The following USF3 variants were observed in gnomAD, a reference collection of about 807,000 sequenced individuals.
The protein encoded by USF3 is basic helix-loop-helix domain-containing protein USF3.
In USF3, 29 loss-of-function variants were observed where a neutral mutation model predicts 157.5. The ratio of observed to expected loss-of-function variants is 0.18; its 90% CI spans 0.14 to 0.25. USF3 has a LOEUF of 0.25. USF3 is among the 10% of genes least tolerant of loss of function. The probability of loss-of-function intolerance (pLI) is 1.00; values close to 1 mark genes in which losing one functional copy is unlikely to be tolerated. For synonymous variants in USF3, 893 were observed against 941.4 expected (o/e 0.95, Z 0.94); for missense variants, 2,381 against 2,667.6 (o/e 0.89, Z 2.37).
At chr3:113,691,983 G>C (rs553617269) in intron 1 of USF3, among the ~76,000 whole-genome samples, 8 of 152,246 alleles carry the variant, frequency 5.3e-5, no homozygotes, top group African/African-American at 1.9e-4. Flanking sequence ...ATTTTTCCAT[G>C]GACAGGGAGT....
intron 4 of USF3, among the ~76,000 whole-genome samples, chr3:113,672,712 A>G (rs1272093715): frequency 6.6e-6 from 1 of 152,212 alleles, no homozygotes; most frequent in Admixed American, 6.5e-5. Flanking sequence ...ATATCCCACC[A>G]GTGTTCAACA....
chr3:113,658,868 G>A lies in USF3; in HGVS notation c.2814C>T (p.Cys938=), dbSNP rs201434220. Residue 938 remains cysteine, a synonymous_variant, in exon 7 of 7, where the codon TGC becomes TGT. Transcript: ENST00000316407. ...ATGGAATCAATACATTGGCTGAAGC[G>A]CAGGGTTTGGCAGCATCTGATAATG... ...SLALSDAAKP[C]ASANVLIPSP... 5.8e-5 allele frequency: 93 copies of A among 1,614,158 alleles called. 3 individuals carry two copies. The highest frequency in any genetic ancestry group is 5.6e-4 in the South Asian group (51 of 91,084).
At chr3:113,663,974 C>A (rs190864717) in intron 6 of USF3, among the ~76,000 whole-genome samples, 4 of 152,306 alleles carry the variant, frequency 2.6e-5, no homozygotes, top group Admixed American at 2.0e-4. Flanking sequence ...AGAACTCCCC[C>A]CTTACATCTT....
rs950066471 is a variant in USF3 at position 113,659,357 on chromosome 3, T to G, written c.2325A>C (p.Leu775=). ...CAGTGTTCATTGAGGAAGTACTCAC[T>G]AGATTATAAGTACTAGCTAGTGTGG... ...SSATLASTYN[L]VSTSSMNTVA... is the part of the protein sequence containing the mutation. Residue 775 remains leucine, a synonymous_variant, in exon 7 of 7, where the codon CTA becomes CTC. Coordinates refer to ENST00000316407, the MANE Select transcript of USF3 (RefSeq NM_001009899.4). 1 of 1,614,084 alleles carries G rather than the reference T, an allele frequency of 6.2e-7. No individual in the cohort carries two copies. The highest frequency in any genetic ancestry group is 1.3e-5 in the African/African-American group (1 of 74,952).
In USF3 at chr3:113,656,610, C is replaced by T; in HGVS notation, c.5072G>A (p.Gly1691Asp). 2 of 1,614,194 alleles carry T rather than the reference C, an allele frequency of 1.2e-6. No homozygotes were observed. Among genetic ancestry groups the T allele is most frequent in the Non-Finnish European group, 1.7e-6 (2 of 1,180,036 alleles). The change falls in exon 7 of 7, where the codon GGT becomes GAT. Residue 1691 changes from glycine to aspartate, a missense_variant. Physicochemically the swap from Gly to Asp is moderately conservative, Grantham distance 94. This residue lies in a region of USF3 where 770 missense variants were observed against 824.2 expected (regional missense o/e 0.93). Transcript: ENST00000316407. ...SEQRMGISIQ[G>D]SRVSDQLEMR... ...TTCAAGCTGATCTGAAACTCTGGAACCCTGAATTGATATCCCCATTCTCTG... is the reference window on the plus strand; with the variant it reads ...TTCAAGCTGATCTGAAACTCTGGAATCCTGAATTGATATCCCCATTCTCTG...
chr3:113,666,988 C>T (rs1349691917), intron 5 of USF3, among the ~76,000 whole-genome samples: 1 of 152,096 alleles, frequency 6.6e-6, no homozygotes, highest in East Asian at 1.9e-4. Flanking sequence ...TATCCTTCAG[C>T]TATCAAGAAT....
chr3:113,670,564 C>T (rs772949799), intron 4 of USF3, among the ~76,000 whole-genome samples: 9 of 151,858 alleles, frequency 5.9e-5, no homozygotes, highest in Middle Eastern at 3.4e-3. Flanking sequence ...CATGCTGCTG[C>T]TCTCCACCCT....
intron 4 of USF3, among the ~76,000 whole-genome samples, chr3:113,672,993 T>C (rs1707193258): frequency 6.6e-6 from 1 of 152,202 alleles, no homozygotes; most frequent in Admixed American, 6.5e-5. Context: ...CTCTTAGCTA[T>C]ACCTCTAGGC....
Position 113,652,996 on chromosome 3 carries a change from G to A in USF3, c.*1948C>T, listed in dbSNP as rs1947291134. The stretch of plus-strand genomic sequence containing the variant: ...GGAACTTGAAAAAGGAATATTCAAG[G>A]TGCTGTTCCTGGTGTTAGTTGCACC... On this transcript the variant is annotated 3_prime_UTR_variant, in exon 7 of 7. Transcript: ENST00000316407. The A allele has an allele frequency of 9.5e-7, 1 of 1,053,134 alleles. No individual in the cohort carries two copies. Among genetic ancestry groups the A allele is most frequent in the East Asian group, 3.9e-5 (1 of 25,544 alleles). 65.2% of individuals were successfully genotyped at this position (1,053,134 alleles called of 1,614,324 possible).
intron 5 of USF3, among the ~76,000 whole-genome samples, chr3:113,667,088 C>T (rs542498493): frequency 6.6e-6 from 1 of 151,406 alleles, no homozygotes; most frequent in Non-Finnish European, 1.5e-5. Context: ...GTAGGAATCA[C>T]TGTGATTTAG....
intron 1 of USF3, among the ~76,000 whole-genome samples, chr3:113,688,525 C>T (rs1481218111): frequency 6.6e-6 from 1 of 152,150 alleles, no homozygotes; most frequent in East Asian, 1.9e-4. Flanking sequence ...TACCAGAATT[C>T]GTTTCCAGAG....
At chr3:113,682,860 AGT>A (rs1559722962) in intron 1 of USF3, among the ~76,000 whole-genome samples, 2 of 146,142 alleles carry the variant, frequency 1.4e-5, no homozygotes, top group Admixed American at 6.8e-5. Context: ...TCATAAGAGA[AGT>A]GTGTTTGTTG....
At chr3:113,667,849 A>C (rs574958405) in intron 5 of USF3, among the ~76,000 whole-genome samples, 1 of 151,320 alleles carries the variant, frequency 6.6e-6, no homozygotes, top group Non-Finnish European at 1.5e-5. Flanking sequence ...CCTAGGCAAC[A>C]GAGTGAGACT....
rs1559710783 is a variant in USF3, at chr3:113,660,255, G to GT, written c.1426dup (p.Thr476AsnfsTer7). The GT allele has an allele frequency of 6.2e-7, 1 of 1,614,188 alleles. No homozygotes were observed. The highest frequency in any genetic ancestry group is 8.5e-7 in the Non-Finnish European group (1 of 1,180,028). ...AAAGGAATTATTCAAGTTGATGTCT[G>GT]TAGCCACATATCTACTGTGGTTGCT... On this transcript the variant is annotated frameshift_variant, in exon 7 of 7. Transcript: ENST00000316407. LOFTEE classifies it high-confidence loss of function.
chr3:113,670,805 A>C (rs1319737072), intron 4 of USF3, among the ~76,000 whole-genome samples: 1 of 152,134 alleles, frequency 6.6e-6, no homozygotes, highest in Non-Finnish European at 1.5e-5. Flanking sequence ...GGAGTGCAGC[A>C]GTGCAATCTC....
intron 5 of USF3, among the ~76,000 whole-genome samples, chr3:113,666,040 AG>A (rs1232406316): frequency 6.6e-6 from 1 of 151,346 alleles, no homozygotes; most frequent in Non-Finnish European, 1.5e-5. Context: ...CAAAATTAGC[AG>A]GGCGTGGTGG....
intron 4 of USF3, among the ~76,000 whole-genome samples, chr3:113,671,002 C>T (rs1365822191): frequency 6.6e-6 from 1 of 152,094 alleles, no homozygotes; most frequent in Admixed American, 6.5e-5. Context: ...ACCTCAGTCT[C>T]CCAAAATGCT....
In USF3 at chr3:113,655,818, G is replaced by C; in HGVS notation, c.5864C>G (p.Ser1955Cys). The C allele has an allele frequency of 1.9e-6, 3 of 1,614,194 alleles. No homozygotes were observed. Among genetic ancestry groups the C allele is most frequent in the Non-Finnish European group, 2.5e-6 (3 of 1,180,030 alleles). ...GVARPALPHP[S>C]VSHGNGDQGP... ...TTGATCGCCATTTCCATGAGACACA[G>C]ATGGATGTGGCAACGCTGGCCTTGC... The change falls in exon 7 of 7, where the codon TCT (serine) becomes TGT (cysteine). Residue 1955 changes from serine (S) to cysteine (C), a missense_variant. Around this residue, in one of 6 missense-constraint regions of USF3, gnomAD observed 770 missense variants for 824.2 expected, o/e 0.93. Transcript: ENST00000316407.
chr3:113,668,782 G>A (rs150417535), intron 5 of USF3, among the ~76,000 whole-genome samples: 1 of 152,198 alleles, frequency 6.6e-6, no homozygotes, highest in East Asian at 1.9e-4. Context: ...CAAACATATG[G>A]TAGGAAAAGG....
Sources: allele counts gnomAD v4.1 joint callset (sites outside exome capture counted in the v4.1 genomes callset), GRCh38; gene constraint gnomAD v4.1.1; regional missense constraint gnomAD v4.1.1; transcripts MANE v1.5; gene names NCBI Gene and HGNC (gene_info 2026-07-23, HGNC 2026-07-21).